Variants in ATM observed in about 807,000 individuals in gnomAD.
ATM encodes ATM serine/threonine kinase.
A neutral mutation model predicts 387.0 loss-of-function variants in ATM; 308 were observed. The ratio of observed to expected loss-of-function variants is 0.80; its 90% confidence interval spans 0.73 to 0.87. ATM has a LOEUF of 0.87. Among genes scored for constraint, ATM ranks in the 40% least tolerant of loss-of-function variants. ATM has a pLI of 0.00. For missense variants in ATM, 3,312 were observed against 3,560.9 expected (o/e 0.93, Z 1.78); for synonymous variants, 1,156 against 1,187.3 (o/e 0.97, Z 0.54).
rs876659323 is a variant in ATM, at chr11:108,331,505, G to C, written c.7577G>C (p.Arg2526Thr). ...FLPLMYQLAA[R>T]MGTKMMGGLG... ...CCTCTTATGTACCAATTGGCTGCTA[G>C]AATGGGGACCAAGATGATGGGAGGC... Residue 2526 changes from arginine to threonine, a missense_variant, in exon 51 of 63, where the codon AGA becomes ACA. Around this residue, in one of 4 missense-constraint regions of ATM, gnomAD observed 1,405 missense variants for 1,604.4 expected, o/e 0.88. Coordinates refer to ENST00000675843, the MANE Select transcript of ATM (RefSeq NM_000051.4). 6.2e-7 allele frequency: 1 copy of C among 1,613,454 alleles called. No homozygotes were observed. Among genetic ancestry groups the C allele is most frequent in the Non-Finnish European group, 8.5e-7 (1 of 1,179,760 alleles).
chr11:108,362,449 G>T (rs1030426695), intron 61 of ATM, among the ~76,000 whole-genome samples: 1 of 151,610 alleles, frequency 6.6e-6, no homozygotes, highest in African/African-American at 2.4e-5. Context: ...CCATTACTGG[G>T]TATATAACCA....
rs1029186358 is a variant in ATM, at chr11:108,347,140, T to C, written c.8585-139T>C. ...GAGTTAAACTCAACATGGCCGGTTA[T>C]GCACATCATTTAAGTAGGCTAAAAA... On this transcript the variant is annotated intron_variant, in intron 58 of 62. Transcript: ENST00000675843. The C allele has an allele frequency of 1.7e-4, 125 of 723,264 alleles. 1 individual carries two copies. Among genetic ancestry groups the C allele is most frequent in the Admixed American group, 5.9e-4 (29 of 49,552 alleles). The allele number at this position is 723,264 out of a possible 1,614,324, so 44.8% of individuals were successfully genotyped here. A position where few individuals can be genotyped will look rare whatever the true frequency, so the allele number is the denominator to read the frequency against.
At chr11:108,310,700 C>T (rs1451392954) in intron 39 of ATM, among the ~76,000 whole-genome samples, 1 of 152,070 alleles carries the variant, frequency 6.6e-6, no homozygotes, top group Non-Finnish European at 1.5e-5. Flanking sequence ...AATTTCTAAA[C>T]TATTCAAGAT....
intron 38 of ATM, among the ~76,000 whole-genome samples, chr11:108,309,406 A>T (rs567244359): frequency 2.6e-5 from 4 of 152,172 alleles, no homozygotes; most frequent in Non-Finnish European, 5.9e-5. Context: ...GCATTATTTA[A>T]TTGTTGCACC....
At chr11:108,261,814 G>A (rs1287578257) in intron 16 of ATM, among the ~76,000 whole-genome samples, 1 of 152,176 alleles carries the variant, frequency 6.6e-6, no homozygotes, top group African/African-American at 2.4e-5. Context: ...GAAAACCAAC[G>A]CTAGAGAACT....
Position 108,249,005 on chromosome 11 carries a change from T to TACAG in ATM, c.1139_1142dup (p.Ser381ArgfsTer27), listed in dbSNP as rs886041340. 3 of 1,613,506 alleles carry TACAG rather than the reference T, an allele frequency of 1.9e-6. No homozygotes were observed. Among genetic ancestry groups the TACAG allele is most frequent in the Non-Finnish European group, 2.5e-6 (3 of 1,179,424 alleles). ...TACTACACAAAGAGAATCTAGTGAT[T>TACAG]ACAGTGTCCCTTGCAAAAGGAAGAA... On this transcript the variant is annotated frameshift_variant, in exon 9 of 63. Coordinates refer to ENST00000675843, the MANE Select transcript of ATM (RefSeq NM_000051.4). LOFTEE classifies it high-confidence loss of function.
intron 59 of ATM, among the ~76,000 whole-genome samples, chr11:108,352,720 C>T (rs1356900592): frequency 6.6e-6 from 1 of 152,220 alleles, no homozygotes; most frequent in Non-Finnish European, 1.5e-5. Flanking sequence ...TGAAATACTA[C>T]TCAGCAATGA....
At chr11:108,254,317 G>T (rs1311432872) in intron 13 of ATM, among the ~76,000 whole-genome samples, 1 of 152,098 alleles carries the variant, frequency 6.6e-6, no homozygotes, top group African/African-American at 2.4e-5. Context: ...TGAGCATAGG[G>T]ATTATATGAT....
chr11:108,245,974 G>A (rs997647303), intron 7 of ATM, among the ~76,000 whole-genome samples: 2 of 151,832 alleles, frequency 1.3e-5, no homozygotes, highest in African/African-American at 2.4e-5. Context: ...ACAGATGCCT[G>A]GCACCATGCC....
In ATM at chr11:108,325,462, C is replaced by T. The variant is rs2136314573; in HGVS notation, c.6725C>T (p.Ser2242Leu). 6.2e-7 allele frequency: 1 copy of T among 1,613,746 alleles called. No individual in the cohort carries two copies. The highest frequency in any genetic ancestry group is 1.1e-5 in the South Asian group (1 of 91,062). ...EILMEKEMDN[S>L]QRECIKDILT... ...CTGATGGAAAAGGAAATGGACAACT[C>T]ACAAAGAGAATGTATTAAGGACATT... The change falls in exon 46 of 63, where the codon TCA becomes TTA. Residue 2242 changes from serine (S) to leucine (L), a missense_variant. This residue lies in a region of ATM where 1,405 missense variants were observed against 1,604.4 expected (regional missense o/e 0.88). Transcript: ENST00000675843.
intron 5 of ATM, among the ~76,000 whole-genome samples, chr11:108,243,020 G>A (rs2079642266): frequency 6.6e-6 from 1 of 152,022 alleles, no homozygotes. Flanking sequence ...AGGAGTTCAA[G>A]ACCAGCCTGG....
chr11:108,309,104 G>A lies in ATM; in HGVS notation c.5763-1056G>A, dbSNP rs1325461375. The A allele has an allele frequency of 6.3e-6, 8 of 1,261,184 alleles. No homozygotes were observed. The highest frequency in any genetic ancestry group is 7.8e-6 in the Non-Finnish European group (7 of 898,058). The allele number at this position is 1,261,184 out of a possible 1,614,324, so 78.1% of individuals were successfully genotyped here. ...AAGTATGAATGGGATATAGAAAAAC[G>A]GGTAAAGACATGCATTCAAGTCCAA... On this transcript the variant is annotated intron_variant, in intron 38 of 62. Transcript: ENST00000675843.
At chr11:108,228,177 G>T (rs2078840017) in intron 3 of ATM, among the ~76,000 whole-genome samples, 1 of 152,074 alleles carries the variant, frequency 6.6e-6, no homozygotes, top group African/African-American at 2.4e-5. Context: ...CAAGACTTCA[G>T]ATTAGAGGAA....
rs2080231346 is a variant in ATM at position 108,252,887 on chromosome 11, A to T, written c.1873A>T (p.Asn625Tyr). ...LTMKNCKAAM[N>Y]FFQSVPECEH... ...TATGAAAAACTGTAAAGCTGCAATG[A>T]ATTTTTTCCAAAGCGTGCCAGAATG... The change falls in exon 12 of 63, where the codon AAT becomes TAT. Residue 625 changes from asparagine (N) to tyrosine (Y), a missense_variant. Transcript: ENST00000675843. 6.2e-7 allele frequency: 1 copy of T among 1,612,780 alleles called. No individual in the cohort carries two copies. The highest frequency in any genetic ancestry group is 8.5e-7 in the Non-Finnish European group (1 of 1,179,138).
chr11:108,304,219 T>G (rs931661664), intron 36 of ATM, among the ~76,000 whole-genome samples: 4 of 152,230 alleles, frequency 2.6e-5, no homozygotes, highest in African/African-American at 9.6e-5. Context: ...ACATGACTGT[T>G]GTAGTTCTTC....
In ATM at chr11:108,319,944, T is replaced by A; in HGVS notation, c.6348-10T>A. ...TTTAAGTATATTTTTTTCTTTGACT[T>A]ATCTCACAGCAAAGAAGTAGAAGGA... is the stretch of plus-strand genomic sequence containing the variant. On this transcript the variant is annotated splice_polypyrimidine_tract_variant and intron_variant, in intron 43 of 62. Coordinates refer to ENST00000675843, the MANE Select transcript of ATM (RefSeq NM_000051.4). The A allele has an allele frequency of 6.3e-7, 1 of 1,590,958 alleles. No individual in the cohort carries two copies. Among genetic ancestry groups the A allele is most frequent in the Non-Finnish European group, 8.6e-7 (1 of 1,159,186 alleles).
chr11:108,367,543 C>A lies in ATM; in HGVS notation c.*2035C>A, dbSNP rs546092733. 3 of 205,582 alleles carry A rather than the reference C, an allele frequency of 1.5e-5. No individual in the cohort carries two copies. The highest frequency in any genetic ancestry group is 2.3e-5 in the African/African-American group (1 of 43,920). 12.7% of individuals were successfully genotyped at this position (205,582 alleles called of 1,614,324 possible). ...ACTCGTGTATTAGTGAGTATAATCT[C>A]TTCTCCATCCTTAGGAAAATGTTCA... On this transcript the variant is annotated 3_prime_UTR_variant, in exon 63 of 63. Coordinates refer to ENST00000675843, the MANE Select transcript of ATM (RefSeq NM_000051.4).
At chr11:108,301,871 G>C (rs2135918180) in intron 35 of ATM, 82 bp downstream of exon 35, 2 of 1,444,186 alleles carry the variant, frequency 1.4e-6, no homozygotes, top group Non-Finnish European at 1.9e-6. Context: ...CTGTTAAATT[G>C]CTTGAAATAG....
rs1313014736 is a variant in ATM at position 108,229,262 on chromosome 11, G to A, written c.270G>A (p.Arg90=). The A allele has an allele frequency of 6.2e-7, 1 of 1,613,624 alleles. No homozygotes were observed. The highest frequency in any genetic ancestry group is 8.5e-7 in the Non-Finnish European group (1 of 1,179,772). Residue 90 remains arginine, a synonymous_variant, in exon 4 of 63, where the codon AGG becomes AGA. Transcript: ENST00000675843. ...TATCAGCCTCAACACAAGCCTCCAGGCAGAAAAAGATGCAGGAAATCAGTA... is the reference window on the plus strand; with the variant it reads ...TATCAGCCTCAACACAAGCCTCCAGACAGAAAAAGATGCAGGAAATCAGTA... ...PNVSASTQAS[R]QKKMQEISSL... is the part of the protein sequence containing the mutation.
Sources: allele counts gnomAD v4.1 joint callset (sites outside exome capture counted in the v4.1 genomes callset), GRCh38; gene constraint gnomAD v4.1.1; regional missense constraint gnomAD v4.1.1; transcripts MANE v1.5; gene names NCBI Gene and HGNC (gene_info 2026-07-23, HGNC 2026-07-21).